Variants in PUS10 observed in about 807,000 individuals in gnomAD.
PUS10 encodes tRNA pseudouridine synthase Pus10.
A neutral mutation model predicts 75.0 loss-of-function variants in PUS10; 59 were observed. That is an observed-to-expected ratio of 0.79 (90% CI 0.64 to 0.98). The LOEUF is 0.98. PUS10 is among the 50% of genes least tolerant of loss of function. The pLI is 0.00. For synonymous variants in PUS10, 219 were observed against 211.6 expected, an observed-to-expected ratio of 1.03 and a Z score of -0.30; for missense variants, 650 against 614.4, an observed-to-expected ratio of 1.06 and a Z score of -0.61.
chr2:61,015,815 G>A (rs1679938933), intron 1 of PUS10, among the ~76,000 whole-genome samples: 1 of 152,198 alleles, frequency 6.6e-6, no homozygotes, highest in Non-Finnish European at 1.5e-5. Context: ...GAGATCGGAT[G>A]CTGTGAGGGG....
intron 4 of PUS10, among the ~76,000 whole-genome samples, chr2:61,005,153 T>C (rs1679124221): frequency 1.3e-5 from 2 of 152,148 alleles, no homozygotes; most frequent in African/African-American, 4.8e-5. Context: ...CCCAGCTACT[T>C]GGGAGACTGA....
intron 4 of PUS10, among the ~76,000 whole-genome samples, chr2:60,983,824 C>T (rs1264343897): frequency 1.3e-5 from 2 of 151,640 alleles, no homozygotes; most frequent in African/African-American, 4.8e-5. Context: ...TCATTATTTG[C>T]AAATAAGGTA....
chr2:60,954,962 G>T (rs1675558459), intron 12 of PUS10, 56 bp downstream of exon 12: 2 of 1,205,846 alleles, frequency 1.7e-6, no homozygotes, highest in Non-Finnish European at 1.2e-6. Flanking sequence ...CTGCTGTCTA[G>T]AAAGGATGAT....
Position 60,965,098 on chromosome 2 carries a change from G to A in PUS10, c.683C>T (p.Ala228Val), listed in dbSNP as rs775855051. Residue 228 changes from alanine (A) to valine (V), a missense_variant, in exon 8 of 18, where the codon GCG becomes GTG. Transcript: ENST00000316752. ...ETVEDCHFLAAICPDCFKPAK... is the reference protein window; with the variant it reads ...ETVEDCHFLAVICPDCFKPAK... ...TGGCTTAAAACAATCTGGGCATATCGCAGCTCTAAAATAAAATTCAAGTTA... is the reference window on the plus strand; with the variant it reads ...TGGCTTAAAACAATCTGGGCATATCACAGCTCTAAAATAAAATTCAAGTTA... 7 of 1,612,976 alleles carry A rather than the reference G, an allele frequency of 4.3e-6. No homozygotes were observed. In the South Asian group the frequency reaches 6.6e-5, roughly 15 times the overall value.
At chr2:60,955,130 C>T in intron 11 of PUS10, 56 bp from the exon 12 acceptor site, 1 of 1,105,200 alleles carries the variant, frequency 9.0e-7, no homozygotes, top group South Asian at 1.4e-5. Context: ...CTAAGATATT[C>T]ATTCCCAACC....
intron 5 of PUS10, among the ~76,000 whole-genome samples, chr2:60,971,063 C>G (rs528152602): frequency 6.6e-6 from 1 of 151,866 alleles, no homozygotes; most frequent in Admixed American, 6.6e-5. Flanking sequence ...TCCTGTAATC[C>G]CAGTTACTTG....
chr2:60,948,779 G>C (rs141648067), intron 15 of PUS10, among the ~76,000 whole-genome samples: 1 of 152,074 alleles, frequency 6.6e-6, no homozygotes, highest in Non-Finnish European at 1.5e-5. Context: ...ATTTTTTAGG[G>C]ACACAGGCTT....
At chr2:60,988,013 T>C (rs549382492) in intron 4 of PUS10, among the ~76,000 whole-genome samples, 2 of 151,416 alleles carry the variant, frequency 1.3e-5, no homozygotes, top group South Asian at 2.1e-4. Context: ...CTCTTGAACC[T>C]GGGAGGAGGA....
intron 4 of PUS10, among the ~76,000 whole-genome samples, chr2:60,975,216 G>C (rs568440417): frequency 7.6e-4 from 116 of 152,156 alleles, no homozygotes; most frequent in African/African-American, 2.7e-3. Context: ...GCGTGATCTC[G>C]GGTCACTGCA....
chr2:61,017,724 A>G (rs750534894), intron 1 of PUS10: 3 of 1,524,766 alleles, frequency 2.0e-6, no homozygotes, highest in African/African-American at 2.8e-5. Flanking sequence ...CTGGACAGTC[A>G]GGGGTAGGAG....
At chr2:60,971,289 A>G (rs1039011070) in intron 5 of PUS10, among the ~76,000 whole-genome samples, 1 of 152,194 alleles carries the variant, frequency 6.6e-6, no homozygotes, top group South Asian at 2.1e-4. Flanking sequence ...CATTCATATT[A>G]AAACACACAA....
chr2:61,008,110 G>A (rs1047940627), intron 3 of PUS10, among the ~76,000 whole-genome samples: 26 of 152,172 alleles, frequency 1.7e-4, no homozygotes, highest in African/African-American at 5.5e-4. Context: ...GGCCTTGGCC[G>A]GGTACAGTGA....
chr2:60,950,041 AT>A (rs1259044437), intron 15 of PUS10, among the ~76,000 whole-genome samples: 1 of 152,242 alleles, frequency 6.6e-6, no homozygotes, highest in African/African-American at 2.4e-5. Context: ...GCATAAAGAA[AT>A]TTAAAAATTC....
At chr2:60,982,831 C>G (rs188198829) in intron 4 of PUS10, among the ~76,000 whole-genome samples, 1 of 151,338 alleles carries the variant, frequency 6.6e-6, no homozygotes, top group Non-Finnish European at 1.5e-5. Context: ...AATATTAAGT[C>G]GAATTTTTTT....
chr2:60,978,421 T>TA (rs71398605), intron 4 of PUS10, among the ~76,000 whole-genome samples: 38,747 of 99,132 alleles, frequency 0.39, 8,415 homozygotes, highest in African/African-American at 0.59. Context: ...GACTCCATCT[T>TA]AAAAAAAAAA....
chr2:60,955,044 T>C lies in PUS10; in HGVS notation c.1031A>G (p.Asp344Gly), dbSNP rs755184247. Reference protein sequence around the residue: ...SFNFSSSGREDVDVRTLGNGR... With the variant: ...SFNFSSSGREGVDVRTLGNGR... ...ATTTCCTAATGTTCTCACATCTACA[T>C]CTTCTCTTCCAGAGGATGAAAAATT... The change falls in exon 12 of 18, where the codon GAT becomes GGT. Residue 344 changes from aspartate (D) to glycine (G), a missense_variant. Transcript: ENST00000316752. The C allele has an allele frequency of 6.3e-7, 1 of 1,597,704 alleles. No individual in the cohort carries two copies. The highest frequency in any genetic ancestry group is 8.5e-7 in the Non-Finnish European group (1 of 1,172,248).
chr2:60,953,841 T>G, intron 14 of PUS10, 92 bp downstream of exon 14: 1 of 930,178 alleles, frequency 1.1e-6, no homozygotes, highest in South Asian at 1.4e-5. Flanking sequence ...TAAGAGTTCT[T>G]TATATATTCT....
At chr2:60,965,139 G>T in intron 7 of PUS10, 36 bp from the exon 8 acceptor site, 2 of 1,582,730 alleles carry the variant, frequency 1.3e-6, no homozygotes, top group Non-Finnish European at 1.7e-6. Context: ...AAAGGTTAAT[G>T]AGTTTATTTT....
intron 4 of PUS10, among the ~76,000 whole-genome samples, chr2:61,003,407 A>G (rs1678980403): frequency 6.6e-6 from 1 of 151,118 alleles, no homozygotes; most frequent in Non-Finnish European, 1.5e-5. Context: ...GGCTGCAGTG[A>G]GCAGAGACTG....
Sources: allele counts gnomAD v4.1 joint callset (sites outside exome capture counted in the v4.1 genomes callset), GRCh38; gene constraint gnomAD v4.1.1; transcripts MANE v1.5; gene names NCBI Gene and HGNC (gene_info 2026-07-23, HGNC 2026-07-21).